The following CNTN5 variants were observed in gnomAD, a reference collection of about 807,000 sequenced individuals.
CNTN5 encodes contactin 5.
Under a neutral mutation model 129.1 loss-of-function variants are expected in CNTN5, and 77 were observed. The observed-to-expected ratio is 0.60, with a 90% CI of 0.50 to 0.72. CNTN5 has a LOEUF of 0.72. Among genes scored for constraint, CNTN5 ranks in the 30% least tolerant of loss-of-function variants. CNTN5 has a pLI of 0.00. For synonymous variants in CNTN5, 509 were observed against 465.6 expected, an observed-to-expected ratio of 1.09 and a Z score of -1.20; for missense variants, 1,478 against 1,328.8, an observed-to-expected ratio of 1.11 and a Z score of -1.75.
intron 3 of CNTN5, among the ~76,000 whole-genome samples, chr11:99,614,472 C>G (rs1164119549): frequency 1.3e-5 from 2 of 152,160 alleles, no homozygotes; most frequent in Non-Finnish European, 2.9e-5. Flanking sequence ...CAAGGCTTGT[C>G]TCAGTGGCTT....
At chr11:100,011,888 T>A (rs1940557186) in intron 9 of CNTN5, among the ~76,000 whole-genome samples, 1 of 152,170 alleles carries the variant, frequency 6.6e-6, no homozygotes, top group African/African-American at 2.4e-5. Flanking sequence ...ATGACAAATA[T>A]TCCTCTGAGA....
intron 17 of CNTN5, among the ~76,000 whole-genome samples, chr11:100,267,253 CCACA>C (rs113458728): frequency 0.16 from 23,391 of 143,778 alleles, 1,983 homozygotes; most frequent in Non-Finnish European, 0.21. Flanking sequence ...CATGAATCAA[CCACA>C]CACACACACA....
chr11:99,771,644 G>T (rs146183637), intron 3 of CNTN5, among the ~76,000 whole-genome samples: 1 of 151,926 alleles, frequency 6.6e-6, no homozygotes, highest in East Asian at 1.9e-4. Flanking sequence ...ATTAGCTGGC[G>T]GTGGGGGAAA....
chr11:99,295,532 AC>A lies in CNTN5; in HGVS notation c.-209-29813del, dbSNP rs756361753. On this transcript the variant is annotated intron_variant, in intron 1 of 24. Transcript: ENST00000524871. ...CTAACAAATGATGTCCTTCTAGAAG[AC>A]TGAAGGCCTCCTGGCAATGTTCTCT... is the stretch of plus-strand genomic sequence containing the variant. Among the ~76,000 whole-genome samples the A allele has an allele frequency of 4.1e-4, 62 of 152,338 alleles. 1 individual carries two copies. In the South Asian group the frequency reaches 5.6e-3, roughly 14 times the overall value.
intron 3 of CNTN5, among the ~76,000 whole-genome samples, chr11:99,716,568 C>A (rs1473815329): frequency 1.3e-5 from 2 of 152,010 alleles, no homozygotes; most frequent in South Asian, 2.1e-4. Context: ...CTAGTCTCAT[C>A]AGCTTCAACC....
chr11:99,915,913 A>G (rs537793190), intron 6 of CNTN5, 141 bp from the exon 7 acceptor site: 28 of 629,018 alleles, frequency 4.5e-5, no homozygotes, highest in Non-Finnish European at 7.7e-5. Context: ...ATGTAGATAT[A>G]TGTTAAAGCC....
At chr11:100,026,072 C>A (rs890595857) in intron 9 of CNTN5, among the ~76,000 whole-genome samples, 2 of 152,134 alleles carry the variant, frequency 1.3e-5, no homozygotes, top group African/African-American at 4.8e-5. Context: ...CAAATCTCCT[C>A]TTTAATTGTA....
At chr11:99,242,075 TAA>T (rs1171228238) in intron 1 of CNTN5, among the ~76,000 whole-genome samples, 6 of 152,154 alleles carry the variant, frequency 3.9e-5, no homozygotes. Flanking sequence ...TATGGAGATT[TAA>T]ATCCATTCAA....
intron 2 of CNTN5, among the ~76,000 whole-genome samples, chr11:99,497,574 G>A (rs563138826): frequency 7.9e-5 from 12 of 152,182 alleles, no homozygotes; most frequent in African/African-American, 2.9e-4. Flanking sequence ...AAACAAAAAG[G>A]GAGGAAACAA....
intron 9 of CNTN5, among the ~76,000 whole-genome samples, chr11:100,018,763 A>G (rs991797337): frequency 3.7e-4 from 57 of 152,122 alleles, no homozygotes; most frequent in African/African-American, 1.2e-3. Flanking sequence ...TTTTCAAAGT[A>G]GTTGTACTAT....
intron 13 of CNTN5, among the ~76,000 whole-genome samples, chr11:100,174,664 G>A (rs1385338068): frequency 6.6e-6 from 1 of 151,990 alleles, no homozygotes; most frequent in African/African-American, 2.4e-5. Context: ...TTTTTTGTTT[G>A]TTTGTTTTAA....
intron 1 of CNTN5, among the ~76,000 whole-genome samples, chr11:99,280,378 G>A (rs1482780531): frequency 2.0e-5 from 3 of 151,638 alleles, no homozygotes; most frequent in African/African-American, 7.3e-5. Flanking sequence ...CATCAAAATC[G>A]TTTAGACAAA....
intron 2 of CNTN5, among the ~76,000 whole-genome samples, chr11:99,501,588 C>G (rs755481029): frequency 6.6e-6 from 1 of 152,064 alleles, no homozygotes; most frequent in Non-Finnish European, 1.5e-5. Flanking sequence ...AGCAAGTGAG[C>G]CCATTCTTAG....
intron 2 of CNTN5, among the ~76,000 whole-genome samples, chr11:99,361,094 T>C (rs575354738): frequency 3.3e-5 from 5 of 152,170 alleles, no homozygotes; most frequent in Non-Finnish European, 7.3e-5. Context: ...CAGTTTCCAA[T>C]AATATGTTCC....
In CNTN5 at chr11:100,216,420, A is replaced by G. The variant is rs111760666; in HGVS notation, c.1885-8272A>G. On this transcript the variant is annotated intron_variant, in intron 15 of 24. Transcript: ENST00000524871. Reference sequence around the variant, plus strand: ...ATCTCTAAATTAGAATAAAAAAGATATATCAGTAAAATATCAATTCATCTA... The same window carrying G: ...ATCTCTAAATTAGAATAAAAAAGATGTATCAGTAAAATATCAATTCATCTA... Among the ~76,000 whole-genome samples, 236 of 152,302 alleles carry G rather than the reference A, an allele frequency of 1.5e-3. 2 individuals are homozygous for G. Among genetic ancestry groups the G allele is most frequent in the African/African-American group, 5.5e-3 (229 of 41,578 alleles).
intron 20 of CNTN5, among the ~76,000 whole-genome samples, chr11:100,299,700 C>T (rs563346702): frequency 2.0e-5 from 3 of 151,348 alleles, no homozygotes; most frequent in Admixed American, 2.0e-4. Context: ...GGACATTAAG[C>T]CAATCCTCTT....
intron 3 of CNTN5, among the ~76,000 whole-genome samples, chr11:99,731,570 A>C (rs1380613213): frequency 6.6e-6 from 1 of 152,298 alleles, no homozygotes; most frequent in African/African-American, 2.4e-5. Flanking sequence ...GCAGTGCTAT[A>C]TCAGAAATAT....
intron 3 of CNTN5, among the ~76,000 whole-genome samples, chr11:99,602,724 G>A (rs1260283159): frequency 6.6e-6 from 1 of 151,304 alleles, no homozygotes; most frequent in Non-Finnish European, 1.5e-5. Context: ...GAGAGCAGTG[G>A]TTCTCCCAGC....
At chr11:99,287,934 G>C (rs1454212424) in intron 1 of CNTN5, among the ~76,000 whole-genome samples, 1 of 151,870 alleles carries the variant, frequency 6.6e-6, no homozygotes, top group African/African-American at 2.4e-5. Flanking sequence ...TAGGAGGATT[G>C]TTGTTCCAAT....
Sources: allele counts gnomAD v4.1 joint callset (sites outside exome capture counted in the v4.1 genomes callset), GRCh38; gene constraint gnomAD v4.1.1; transcripts MANE v1.5; gene names NCBI Gene and HGNC (gene_info 2026-07-23, HGNC 2026-07-21).